Variants in NRXN3 observed in about 807,000 individuals in gnomAD.
NRXN3 encodes neurexin III.
A neutral mutation model predicts 137.6 loss-of-function variants in NRXN3; 32 were observed. That is an observed-to-expected ratio of 0.23 (90% confidence interval 0.18 to 0.31). The LOEUF (loss-of-function observed/expected upper bound fraction) is 0.31, where lower values mean the gene tolerates loss of function less well. Among genes scored for constraint, NRXN3 ranks in the 10% least tolerant of loss-of-function variants. The pLI, the probability that NRXN3 is intolerant of heterozygous loss-of-function variation, is 1.00. For synonymous variants in NRXN3, 798 were observed against 784.5 expected (o/e 1.02, Z -0.29); for missense variants, 1,574 against 2,062.5 (o/e 0.76, Z 4.59).
intron 4 of NRXN3, among the ~76,000 whole-genome samples, chr14:78,319,060 T>C (rs1192168141): frequency 3.3e-5 from 5 of 152,206 alleles, no homozygotes; most frequent in Non-Finnish European, 7.3e-5. Flanking sequence ...GGGACAAGTC[T>C]TTGAGGCCAT....
intron 3 of NRXN3, among the ~76,000 whole-genome samples, chr14:78,294,581 A>G (rs933142457): frequency 2.0e-5 from 3 of 147,122 alleles, no homozygotes; most frequent in African/African-American, 7.6e-5. Flanking sequence ...AAAAAAAAAG[A>G]AAAAGCTCCT....
intron 15 of NRXN3, chr14:79,281,880 A>T (rs955133995): frequency 1.3e-5 from 2 of 152,176 alleles, no homozygotes; most frequent in African/African-American, 4.8e-5. Context: ...CCTAGCCCTG[A>T]GCTTTGGCTT....
chr14:78,607,604 G>C (rs972601006), intron 4 of NRXN3, among the ~76,000 whole-genome samples: 1 of 152,078 alleles, frequency 6.6e-6, no homozygotes, highest in Non-Finnish European at 1.5e-5. Flanking sequence ...TGTGTAGAGG[G>C]AAGAGTGTTT....
At chr14:78,674,455 A>G (rs944744754) in intron 6 of NRXN3, among the ~76,000 whole-genome samples, 5 of 152,332 alleles carry the variant, frequency 3.3e-5, no homozygotes, top group Non-Finnish European at 7.3e-5. Context: ...CAAGAACAGG[A>G]AAATCATTAC....
At chr14:79,150,388 G>A (rs1029968400) in intron 15 of NRXN3, among the ~76,000 whole-genome samples, 3 of 151,932 alleles carry the variant, frequency 2.0e-5, no homozygotes, top group Non-Finnish European at 4.4e-5. Flanking sequence ...CAGTAGAAAA[G>A]TATGTCATAT....
At chr14:78,347,356 A>T (rs527313294) in intron 4 of NRXN3, among the ~76,000 whole-genome samples, 1 of 152,324 alleles carries the variant, frequency 6.6e-6, no homozygotes, top group East Asian at 1.9e-4. Flanking sequence ...TCTTCTTTTG[A>T]TAGTGTACAA....
chr14:78,356,220 A>G (rs2153600317), intron 4 of NRXN3, among the ~76,000 whole-genome samples: 1 of 152,338 alleles, frequency 6.6e-6, no homozygotes. Flanking sequence ...TCTGGATATT[A>G]CGTAGATGTG....
intron 15 of NRXN3, among the ~76,000 whole-genome samples, chr14:79,290,731 T>A (rs2083049042): frequency 6.6e-6 from 1 of 152,134 alleles, no homozygotes; most frequent in African/African-American, 2.4e-5. Context: ...TATGGGTCAT[T>A]TAATTTCCTG....
At chr14:79,474,181 C>T (rs1054035358) in intron 16 of NRXN3, among the ~76,000 whole-genome samples, 1 of 152,152 alleles carries the variant, frequency 6.6e-6, no homozygotes, top group Non-Finnish European at 1.5e-5. Flanking sequence ...AGTCATTCTA[C>T]TACTTGGAGC....
chr14:79,706,014 G>A (rs977406979), intron 19 of NRXN3, among the ~76,000 whole-genome samples: 1 of 151,938 alleles, frequency 6.6e-6, no homozygotes, highest in Non-Finnish European at 1.5e-5. Context: ...ACCTTCTCAG[G>A]GAGTCCACAG....
At chr14:78,189,972 A>G (rs2060567139) in intron 1 of NRXN3, among the ~76,000 whole-genome samples, 1 of 152,116 alleles carries the variant, frequency 6.6e-6, no homozygotes, top group Non-Finnish European at 1.5e-5. Context: ...AGCCCTTGCC[A>G]CCATCTGACG....
At chr14:79,455,465 A>G (rs2096245848) in intron 15 of NRXN3, among the ~76,000 whole-genome samples, 1 of 152,170 alleles carries the variant, frequency 6.6e-6, no homozygotes, top group Non-Finnish European at 1.5e-5. Context: ...CTTAAAAGTT[A>G]TGTTGAAAGG....
chr14:79,838,084 T>A (rs1176509751), intron 20 of NRXN3, among the ~76,000 whole-genome samples: 1 of 148,262 alleles, frequency 6.7e-6, no homozygotes, highest in Non-Finnish European at 1.5e-5. Flanking sequence ...CTGAATAGTA[T>A]ACAGTGTTAA....
intron 19 of NRXN3, among the ~76,000 whole-genome samples, chr14:79,748,724 T>C (rs1448767327): frequency 6.6e-6 from 1 of 152,066 alleles, no homozygotes; most frequent in Admixed American, 6.6e-5. Context: ...TTTTCTGTGA[T>C]TGTAATGGCT....
At chr14:79,243,563 A>C (rs929719564) in intron 15 of NRXN3, among the ~76,000 whole-genome samples, 2 of 152,162 alleles carry the variant, frequency 1.3e-5, no homozygotes, top group Non-Finnish European at 2.9e-5. Flanking sequence ...CATTCTAAGA[A>C]ATGTGTCCTT....
rs74434458 is a variant in NRXN3, at chr14:79,369,957, G to A, written c.3263-97264G>A. Among the ~76,000 whole-genome samples, 547 of 152,294 alleles carry A rather than the reference G, an allele frequency of 3.6e-3. 10 individuals carry two copies. The highest frequency in any genetic ancestry group is 0.033 in the East Asian group (170 of 5,176). ...CTGTTGAGATTTCAGTACACTTTCCGTATATGGAGTTTCTGTGTTGGTACA... is the reference window on the plus strand; with the variant it reads ...CTGTTGAGATTTCAGTACACTTTCCATATATGGAGTTTCTGTGTTGGTACA... On this transcript the variant is annotated intron_variant, in intron 15 of 20. Coordinates refer to ENST00000335750, the MANE Select transcript of NRXN3 (RefSeq NM_001330195.2).
chr14:78,499,037 T>C (rs935561473), intron 4 of NRXN3, among the ~76,000 whole-genome samples: 4 of 152,124 alleles, frequency 2.6e-5, no homozygotes, highest in Non-Finnish European at 4.4e-5. Context: ...GGCTACCTCA[T>C]TGGAAGTTGA....
intron 4 of NRXN3, among the ~76,000 whole-genome samples, chr14:78,572,555 G>A (rs993778398): frequency 6.6e-6 from 1 of 152,144 alleles, no homozygotes; most frequent in Non-Finnish European, 1.5e-5. Context: ...ATAGTTTCAG[G>A]GGTGTCCAAT....
At chr14:78,659,383 AG>A (rs2097815090) in intron 6 of NRXN3, among the ~76,000 whole-genome samples, 1 of 152,174 alleles carries the variant, frequency 6.6e-6, no homozygotes, top group Admixed American at 6.5e-5. Context: ...CATAAAAAAA[AG>A]ATGGCCATTT....
Sources: gnomAD v4.1 joint callset for allele counts (sites outside exome capture counted in the v4.1 genomes callset) on GRCh38, gnomAD v4.1.1 for gene constraint, MANE v1.5 for transcripts, NCBI Gene and HGNC (gene_info 2026-07-23, HGNC 2026-07-21) for gene names.